Variants in DNAI7 observed in about 807,000 individuals in gnomAD.
DNAI7 encodes the protein cancer susceptibility 1.
A neutral mutation model predicts 86.6 loss-of-function variants in DNAI7; 78 were observed. The ratio of observed to expected loss-of-function variants is 0.90; its 90% CI spans 0.75 to 1.09. The LOEUF (loss-of-function observed/expected upper bound fraction) is 1.09. Among genes scored for constraint, DNAI7 ranks in the 50% least tolerant of loss-of-function variants. The pLI is 0.00. For missense variants in DNAI7, 753 were observed against 810.2 expected (o/e 0.93, Z 0.86); for synonymous variants, 274 against 273.0 (o/e 1.00, Z -0.04).
chr12:25,137,860 T>C (rs1158438878), intron 9 of DNAI7, among the ~76,000 whole-genome samples: 2 of 152,100 alleles, frequency 1.3e-5, no homozygotes, highest in African/African-American at 2.4e-5. Context: ...TAAATATATA[T>C]GCACTTAACA....
intron 2 of DNAI7, among the ~76,000 whole-genome samples, chr12:25,181,837 G>C (rs1565831725): frequency 6.6e-6 from 1 of 151,962 alleles, no homozygotes; most frequent in East Asian, 1.9e-4. Flanking sequence ...TCTCACACTA[G>C]TCAGAATGTC....
intron 9 of DNAI7, among the ~76,000 whole-genome samples, chr12:25,140,930 T>C (rs1471466420): frequency 6.6e-6 from 1 of 152,180 alleles, no homozygotes; most frequent in Non-Finnish European, 1.5e-5. Context: ...AACTGATCTT[T>C]GACAAAGCAA....
intron 2 of DNAI7, among the ~76,000 whole-genome samples, chr12:25,184,771 TG>T (rs1426490463): frequency 6.6e-6 from 1 of 152,144 alleles, no homozygotes; most frequent in African/African-American, 2.4e-5. Context: ...TTCCACTGTC[TG>T]GCTTTCATTT....
intron 9 of DNAI7, among the ~76,000 whole-genome samples, chr12:25,125,994 C>T (rs767156273): frequency 8.6e-5 from 13 of 152,046 alleles, no homozygotes; most frequent in African/African-American, 2.4e-4. Context: ...ACCAGTACCA[C>T]GCTGTTTTGG....
At position 25,132,617 on chromosome 12, in the gene DNAI7, A is replaced by G. The variant is rs1015272527; in HGVS notation, c.1003-9331T>C. Among the ~76,000 whole-genome samples, 2 of 150,300 alleles carry G rather than the reference A, an allele frequency of 1.3e-5. 1 individual carries two copies. Among genetic ancestry groups the G allele is most frequent in the African/African-American group, 5.0e-5 (2 of 39,646 alleles). On this transcript the variant is annotated intron_variant, in intron 9 of 15. Coordinates refer to ENST00000395987, the MANE Select transcript of DNAI7 (RefSeq NM_018272.5). Reference sequence around the variant, plus strand: ...TATTATTTTCTAATAATAAATTACTATAAGTTAAATCACTAATCATAGGCA... The same window carrying G: ...TATTATTTTCTAATAATAAATTACTGTAAGTTAAATCACTAATCATAGGCA...
intron 13 of DNAI7, 94 bp from the exon 14 acceptor site, chr12:25,112,033 TA>T: frequency 1.4e-6 from 1 of 720,260 alleles, no homozygotes; most frequent in African/African-American, 1.8e-5. Flanking sequence ...TATACATTTT[TA>T]AAAGTCATCT....
At chr12:25,150,241 A>C (rs1291741655) in intron 6 of DNAI7, among the ~76,000 whole-genome samples, 1 of 152,216 alleles carries the variant, frequency 6.6e-6, no homozygotes, top group Non-Finnish European at 1.5e-5. Context: ...CTGATTGGGG[A>C]AAATGTACTT....
intron 9 of DNAI7, among the ~76,000 whole-genome samples, chr12:25,129,767 AT>A (rs35452557): frequency 0.69 from 102,197 of 148,772 alleles, 38,819 homozygotes; most frequent in East Asian, 0.99. Context: ...TTTTATTTTT[AT>A]TTTTTTTTTT....
intron 2 of DNAI7, among the ~76,000 whole-genome samples, chr12:25,172,346 T>C (rs1278003420): frequency 1.3e-5 from 2 of 152,096 alleles, no homozygotes; most frequent in Non-Finnish European, 2.9e-5. Flanking sequence ...CAACTCCTTT[T>C]ACAATAGCTG....
chr12:25,185,896 A>C (rs1202412355), intron 2 of DNAI7: 1 of 194,362 alleles, frequency 5.1e-6, no homozygotes, highest in Non-Finnish European at 9.4e-6. Context: ...TCAATCAAAT[A>C]AAATACAATC....
intron 9 of DNAI7, among the ~76,000 whole-genome samples, chr12:25,134,616 C>G (rs1943327318): frequency 6.6e-6 from 1 of 151,922 alleles, no homozygotes; most frequent in Admixed American, 6.6e-5. Flanking sequence ...CTCAGCCTCC[C>G]AAAGTGCTGG....
intron 2 of DNAI7, among the ~76,000 whole-genome samples, chr12:25,182,978 G>GGAAGGAGA (rs368801809): frequency 0.063 from 8,809 of 139,446 alleles, 400 homozygotes; most frequent in Non-Finnish European, 0.092. Flanking sequence ...AGGGAGGAAG[G>GGAAGGAGA]GAAGGAGAGA....
intron 2 of DNAI7, among the ~76,000 whole-genome samples, chr12:25,182,854 G>A: frequency 6.6e-6 from 1 of 151,954 alleles, no homozygotes; most frequent in East Asian, 1.9e-4. Context: ...AGCTCAGGAA[G>A]TCAAGCCCGC....
chr12:25,188,055 A>T (rs993847743), intron 2 of DNAI7, among the ~76,000 whole-genome samples: 1 of 152,248 alleles, frequency 6.6e-6, no homozygotes. Flanking sequence ...ATAGAATTTA[A>T]GTAGTACCAG....
At chr12:25,112,446 G>A (rs557704639) in intron 13 of DNAI7, among the ~76,000 whole-genome samples, 26 of 119,126 alleles carry the variant, frequency 2.2e-4, no homozygotes, top group East Asian at 2.0e-3. Context: ...TCCCTCTGTC[G>A]CCCAGGCTGG....
At chr12:25,108,920 C>G (rs1009595283) in intron 15 of DNAI7, 97 bp from the exon 16 acceptor site, 1 of 723,988 alleles carries the variant, frequency 1.4e-6, no homozygotes. Flanking sequence ...ATTTATCCCC[C>G]AAAATTGCAA....
At chr12:25,146,878 C>T in intron 8 of DNAI7, 123 bp downstream of exon 8, 1 of 598,846 alleles carries the variant, frequency 1.7e-6, no homozygotes. Context: ...AGTGGGCTAA[C>T]TTCCTGAAAT....
intron 2 of DNAI7, among the ~76,000 whole-genome samples, chr12:25,171,587 T>G (rs368577648): frequency 6.6e-6 from 1 of 152,060 alleles, no homozygotes; most frequent in Non-Finnish European, 1.5e-5. Context: ...TTCCACAAGA[T>G]AGAGAAAGAA....
chr12:25,112,399 GTTTTTTT>G (rs10602859), intron 13 of DNAI7, among the ~76,000 whole-genome samples: 10 of 104,294 alleles, frequency 9.6e-5, no homozygotes, highest in African/African-American at 3.9e-4. Context: ...TTCACATCTG[GTTTTTTT>G]TTTTTTTTTT....
Sources: allele counts gnomAD v4.1 joint callset (sites outside exome capture counted in the v4.1 genomes callset), GRCh38; gene constraint gnomAD v4.1.1; transcripts MANE v1.5; gene names NCBI Gene and HGNC (gene_info 2026-07-23, HGNC 2026-07-21).